KLHL30: variants seen among roughly 807,000 people sequenced by gnomAD.
The protein encoded by KLHL30 is kelch like family member 30.
KLHL30 carries 55 observed loss-of-function variants against 55.0 expected under a neutral mutation model. The ratio of observed to expected loss-of-function variants is 1.00; its 90% CI spans 0.80 to 1.25. KLHL30 has a LOEUF of 1.25. KLHL30 is among the 50% of genes most tolerant of loss of function. The pLI, the probability that KLHL30 is intolerant of heterozygous loss-of-function variation, is 0.00. For synonymous variants in KLHL30, 356 were observed against 372.6 expected, an observed-to-expected ratio of 0.96 and a Z score of 0.51; for missense variants, 786 against 811.6, an observed-to-expected ratio of 0.97 and a Z score of 0.38.
intron 3 of KLHL30, among the ~76,000 whole-genome samples, chr2:238,144,520 C>T (rs917863262): frequency 2.0e-5 from 3 of 152,038 alleles, no homozygotes. Context: ...GTGACACCCA[C>T]AGATCAGGCC....
chr2:238,150,942 G>A lies in KLHL30; in HGVS notation c.1614G>A (p.Thr538=), dbSNP rs770052555. 1.4e-5 allele frequency: 22 copies of A among 1,586,138 alleles called. No individual in the cohort carries two copies. The highest frequency in any genetic ancestry group is 3.3e-4 in the Middle Eastern group (2 of 6,034). The part of the protein sequence containing the change: ...DYHVEMEAYD[T]VRDTWTRHGA... ...ACGTGGAGATGGAGGCCTACGACAC[G>A]GTTCGGGACACCTGGACCCGCCACG... Residue 538 remains threonine, a synonymous_variant, in exon 8 of 8, where the codon ACG becomes ACA. Coordinates refer to ENST00000409223, the MANE Select transcript of KLHL30 (RefSeq NM_198582.4).
chr2:238,142,768 G>A (rs749939648), intron 2 of KLHL30, 31 bp from the exon 3 acceptor site: 8 of 1,365,684 alleles, frequency 5.9e-6, no homozygotes, highest in Non-Finnish European at 6.6e-6. Flanking sequence ...ACACATTGCT[G>A]TTGCCCTGAC....
At chr2:238,145,023 G>C in intron 4 of KLHL30, 35 bp downstream of exon 4, 1 of 1,538,856 alleles carries the variant, frequency 6.5e-7, no homozygotes, top group South Asian at 1.2e-5. Context: ...GAGATGCCCT[G>C]CCCAGCCAAG....
At chr2:238,146,525 G>A (rs1012962964) in intron 5 of KLHL30, among the ~76,000 whole-genome samples, 6 of 150,988 alleles carry the variant, frequency 4.0e-5, no homozygotes, top group Non-Finnish European at 8.9e-5. Flanking sequence ...TCCCACCTCA[G>A]CCTCCTGAGT....
intron 6 of KLHL30, 69 bp downstream of exon 6, chr2:238,148,091 G>T: frequency 7.6e-7 from 1 of 1,310,690 alleles, no homozygotes; most frequent in Non-Finnish European, 9.9e-7. Flanking sequence ...TCCGCTCGTA[G>T]TGATGGTGAG....
chr2:238,139,985 G>A (rs764884172), intron 1 of KLHL30, among the ~76,000 whole-genome samples: 5 of 152,234 alleles, frequency 3.3e-5, no homozygotes, highest in South Asian at 4.1e-4. Flanking sequence ...TTGGCTGGCC[G>A]TTTCTGTTTA....
chr2:238,140,916 C>T lies in KLHL30; in HGVS notation c.162C>T (p.Ser54=). ...GCCACCGCGGCCTCCTGGCGCTCAGCAGCCCCTACTTCCATGCCATGTTTG... is the reference window on the plus strand; with the variant it reads ...GCCACCGCGGCCTCCTGGCGCTCAGTAGCCCCTACTTCCATGCCATGTTTG... ...LPCHRGLLAL[S]SPYFHAMFAG... Residue 54 remains serine (S), a synonymous_variant, in exon 2 of 8, where the codon AGC becomes AGT. Transcript: ENST00000409223. The T allele has an allele frequency of 6.2e-7, 1 of 1,610,922 alleles. No individual in the cohort carries two copies. The highest frequency in any genetic ancestry group is 8.5e-7 in the Non-Finnish European group (1 of 1,178,482).
chr2:238,144,422 G>GGAAGGAATGAAGGAAGGAAGGAAGGAAT (rs1559275975), intron 3 of KLHL30, among the ~76,000 whole-genome samples: 1 of 106,042 alleles, frequency 9.4e-6, no homozygotes, highest in East Asian at 2.7e-4. Context: ...AAGGAAGGAA[G>GGAAGGAATGAAGGAAGGAAGGAAGGAAT]GAAGGAAGGA....
chr2:238,144,428 A>C (rs77589188), intron 3 of KLHL30, among the ~76,000 whole-genome samples: 14,217 of 72,010 alleles, frequency 0.2, 1,068 homozygotes, highest in African/African-American at 0.35. Context: ...GGAAGGAAGG[A>C]AGGAAGGCAG....
rs1336928395 is a variant in KLHL30, at chr2:238,147,471, C to G, written c.1151-363C>G. On this transcript the variant is annotated intron_variant, in intron 5 of 7. Coordinates refer to ENST00000409223, the MANE Select transcript of KLHL30 (RefSeq NM_198582.4). The surrounding 1 kb of genome is among the most constrained non-coding windows in gnomAD (Gnocchi z 5.8). ...TCCAGGGTCTCGCAACCCGCCCTCCCAGGGCTGGCATCCTCCATTCCAGTT... is the reference window on the plus strand; with the variant it reads ...TCCAGGGTCTCGCAACCCGCCCTCCGAGGGCTGGCATCCTCCATTCCAGTT... Among the ~76,000 whole-genome samples, 1 of 152,166 alleles carries G rather than the reference C, an allele frequency of 6.6e-6. No homozygotes were observed. The highest frequency in any genetic ancestry group is 1.5e-5 in the Non-Finnish European group (1 of 68,014).
At chr2:238,140,626 G>C (rs1692513412) in intron 1 of KLHL30, 59 bp from the exon 2 acceptor site, 5 of 901,972 alleles carry the variant, frequency 5.5e-6, no homozygotes, top group Non-Finnish European at 6.6e-6. Context: ...AGACCGGGTG[G>C]GTTGCTCAGG....
At chr2:238,139,373 C>T (rs1039893653) in intron 1 of KLHL30, among the ~76,000 whole-genome samples, 5 of 152,194 alleles carry the variant, frequency 3.3e-5, no homozygotes, top group Admixed American at 6.5e-5. Context: ...CCGGGGCCAG[C>T]GCCTCCTGGG....
At chr2:238,142,358 T>G (rs1692558133) in intron 2 of KLHL30, among the ~76,000 whole-genome samples, 1 of 152,082 alleles carries the variant, frequency 6.6e-6, no homozygotes, top group Non-Finnish European at 1.5e-5. Context: ...CACCTTGTAT[T>G]CTAATTCCTG....
chr2:238,145,982 G>A, intron 5 of KLHL30, 150 bp downstream of exon 5: 1 of 992,650 alleles, frequency 1.0e-6, no homozygotes, highest in Non-Finnish European at 1.4e-6. Flanking sequence ...GGTGGGGCGG[G>A]CAAGCCACAG....
At position 238,149,119 on chromosome 2, in the gene KLHL30, CGT is replaced by C. The variant is rs780102539; in HGVS notation, c.1455_1456del (p.Tyr486ArgfsTer18). On this transcript the variant is annotated frameshift_variant, in exon 7 of 8. Coordinates refer to ENST00000409223, the MANE Select transcript of KLHL30 (RefSeq NM_198582.4). LOFTEE classifies it high-confidence loss of function. ...LIGDNTKKVYVYDPGANLWQK... is the reference protein window; with the variant it reads ...LIGDNTKKVYXYDPGANLWQK... Reference sequence around the variant, plus strand: ...TTGGGGACAACACCAAGAAGGTCTACGTGTACGACCCCGGGGCCAACCTGTGG... The same window carrying C: ...TTGGGGACAACACCAAGAAGGTCTACGTACGACCCCGGGGCCAACCTGTGG... The C allele has an allele frequency of 1.2e-6, 2 of 1,613,068 alleles. No individual in the cohort carries two copies. The highest frequency in any genetic ancestry group is 3.3e-5 in the Admixed American group (2 of 60,024).
chr2:238,144,438 GGCAGGCAGGCAGGCAGGCA>G (rs1304518760), intron 3 of KLHL30, among the ~76,000 whole-genome samples: 1 of 97,542 alleles, frequency 1.0e-5, no homozygotes, highest in Non-Finnish European at 2.3e-5. Flanking sequence ...AAGGAAGGCA[GGCAGGCAGGCAGGCAGGCA>G]GGCAGGCAGG....
In KLHL30 at chr2:238,150,862, GGTGATGCGCTGTACGTGA is replaced by G; in HGVS notation, c.1535_1552del (p.Gly512_Thr518delinsAla). On this transcript the variant is annotated inframe_deletion, in exon 8 of 8. Transcript: ENST00000409223. Reference sequence around the variant, plus strand: ...TGAGAATGGCGCGCTGGTGCCACTGGGTGATGCGCTGTACGTGACGGGCGGCCGCTGGCAGGGCATGGA... The same window carrying G: ...TGAGAATGGCGCGCTGGTGCCACTGGCGGGCGGCCGCTGGCAGGGCATGGA... 1 of 1,595,268 alleles carries G rather than the reference GGTGATGCGCTGTACGTGA, an allele frequency of 6.3e-7. No homozygotes were observed. Among genetic ancestry groups the G allele is most frequent in the Non-Finnish European group, 8.5e-7 (1 of 1,172,388 alleles).
Position 238,148,006 on chromosome 2 carries a change from C to A in KLHL30, c.1323C>A (p.Cys441Ter). The change falls in exon 6 of 8, where the codon TGC becomes TGA. Residue 441 changes from cysteine to a stop codon, truncating the protein, a stop_gained. Coordinates refer to ENST00000409223, the MANE Select transcript of KLHL30 (RefSeq NM_198582.4). LOFTEE classifies it high-confidence loss of function. ...AGTACAACGCCCTGGCCCTGCAGTG[C>A]TACAACCCTGTCACAGGTGGGTGGG... ...ACKYNALALQ[C>*]YNPVTDAWSV... is the part of the protein sequence containing the mutation. 6.7e-7 allele frequency: 1 copy of A among 1,483,532 alleles called. No homozygotes were observed. The allele number at this position is 1,483,532 out of a possible 1,614,324, so 91.9% of individuals were successfully genotyped here. A position where few individuals can be genotyped will look rare whatever the true frequency, so the allele number is the denominator to read the frequency against.
chr2:238,140,850 G>A lies in KLHL30; in HGVS notation c.96G>A (p.Leu32=). 2 of 1,610,738 alleles carry A rather than the reference G, an allele frequency of 1.2e-6. No homozygotes were observed. Among genetic ancestry groups the A allele is most frequent in the Non-Finnish European group, 1.7e-6 (2 of 1,178,388 alleles). Residue 32 remains leucine (L), a synonymous_variant, in exon 2 of 8, where the codon CTG becomes CTA. Coordinates refer to ENST00000409223, the MANE Select transcript of KLHL30 (RefSeq NM_198582.4). ...AGCGCCTGCGCTCTCAGCCCAAGCT[G>A]GCCGACGTCACACTGCTGGTGGGCG... The part of the protein sequence containing the change: ...GLQRLRSQPK[L]ADVTLLVGGR...
Sources: allele counts gnomAD v4.1 joint callset (sites outside exome capture counted in the v4.1 genomes callset), GRCh38; gene constraint gnomAD v4.1.1; non-coding constraint Gnocchi (gnomAD v3.1); transcripts MANE v1.5; gene names NCBI Gene and HGNC (gene_info 2026-07-23, HGNC 2026-07-21).